The following CTNNA2 variants were observed in gnomAD, a reference collection of about 807,000 sequenced individuals.
CTNNA2 encodes catenin alpha-2.
Under a neutral mutation model 101.0 loss-of-function variants are expected in CTNNA2, and 42 were observed. The observed-to-expected ratio is 0.42, with a 90% CI of 0.32 to 0.54. CTNNA2 has a LOEUF of 0.54. Ranked by LOEUF, CTNNA2 falls within the 20% of genes least tolerant of loss-of-function variation. The probability of loss-of-function intolerance (pLI) is 0.14; values close to 1 mark genes in which losing one functional copy is unlikely to be tolerated. For synonymous variants in CTNNA2, 450 were observed against 456.4 expected (o/e 0.99, Z 0.18); for missense variants, 871 against 1,223.1 (o/e 0.71, Z 4.29).
chr2:79,278,880 G>T (rs1675287581), intron 2 of CTNNA2, among the ~76,000 whole-genome samples: 1 of 152,074 alleles, frequency 6.6e-6, no homozygotes, highest in African/African-American at 2.4e-5. Flanking sequence ...CTACAGTATG[G>T]CATAGAGAAT....
intron 7 of CTNNA2, among the ~76,000 whole-genome samples, chr2:80,028,729 G>A (rs1270771902): frequency 6.6e-6 from 1 of 152,196 alleles, no homozygotes; most frequent in African/African-American, 2.4e-5. Context: ...TGTGGAAGAG[G>A]GAAGCAGAAA....
intron 3 of CTNNA2, among the ~76,000 whole-genome samples, chr2:79,760,025 G>A (rs1212882763): frequency 2.0e-5 from 3 of 152,250 alleles, no homozygotes; most frequent in African/African-American, 7.2e-5. Context: ...TAAGAGTACA[G>A]TTTACGGAAC....
intron 8 of CTNNA2, among the ~76,000 whole-genome samples, chr2:80,407,472 A>G (rs1272895210): frequency 1.3e-5 from 2 of 152,178 alleles, no homozygotes; most frequent in African/African-American, 4.8e-5. Flanking sequence ...CCTCTGTTTG[A>G]TTATGTAATG....
intron 7 of CTNNA2, among the ~76,000 whole-genome samples, chr2:80,209,205 C>CTT (rs11302431): frequency 1.8e-4 from 25 of 141,860 alleles, no homozygotes; most frequent in African/African-American, 6.5e-4. Context: ...TTTTTTAATT[C>CTT]TTTTTTTTTT....
In CTNNA2 at chr2:80,574,240, A is replaced by G; in HGVS notation, c.1819A>G (p.Asn607Asp). The G allele has an allele frequency of 1.2e-6, 2 of 1,613,818 alleles. No homozygotes were observed. The highest frequency in any genetic ancestry group is 1.7e-6 in the Non-Finnish European group (2 of 1,179,786). ...CAACGTTCCTCAACCGTTTGAGGAG[A>G]ATGAGTTCATCGATGCCTCTCGCCT... is the stretch of plus-strand genomic sequence containing the variant. Reference protein sequence around the residue: ...SANVPQPFEENEFIDASRLVY... With the variant: ...SANVPQPFEEDEFIDASRLVY... Residue 607 changes from asparagine to aspartate, a missense_variant, in exon 13 of 19, where the codon AAT becomes GAT. By Grantham distance (23) the Asn-to-Asp change is conservative (BLOSUM62 1). Coordinates refer to ENST00000402739, the MANE Select transcript of CTNNA2 (RefSeq NM_001282597.3).
chr2:79,451,811 T>G (rs1670757041), intron 4 of CTNNA2, among the ~76,000 whole-genome samples: 1 of 151,302 alleles, frequency 6.6e-6, no homozygotes, highest in African/African-American at 2.4e-5. Context: ...ATATATTAAA[T>G]GTATACATTA....
chr2:80,598,208 A>AG, intron 15 of CTNNA2, among the ~76,000 whole-genome samples: 1 of 152,042 alleles, frequency 6.6e-6, no homozygotes. Flanking sequence ...ACAAAGGAAC[A>AG]AAAAAACACC....
At chr2:79,594,143 C>T (rs1461989976) in intron 1 of CTNNA2, among the ~76,000 whole-genome samples, 1 of 152,102 alleles carries the variant, frequency 6.6e-6, no homozygotes, top group African/African-American at 2.4e-5. Flanking sequence ...CCACCTCGGC[C>T]TCCCAAAGTG....
intron 7 of CTNNA2, chr2:80,313,490 G>A: frequency 6.4e-7 from 1 of 1,564,596 alleles, no homozygotes. Context: ...ATGTAAACAA[G>A]AGCTGTGGTT....
intron 7 of CTNNA2, among the ~76,000 whole-genome samples, chr2:79,993,132 C>T (rs545879227): frequency 7.2e-5 from 11 of 152,298 alleles, no homozygotes; most frequent in African/African-American, 2.6e-4. Context: ...AGAGTGGTTA[C>T]TTCCTAACTT....
chr2:79,388,013 T>C (rs1678124275), intron 4 of CTNNA2, among the ~76,000 whole-genome samples: 1 of 152,164 alleles, frequency 6.6e-6, no homozygotes, highest in Non-Finnish European at 1.5e-5. Flanking sequence ...GATTTGATTT[T>C]ACTGTATTAA....
chr2:79,757,185 A>C (rs1672457748), intron 3 of CTNNA2, among the ~76,000 whole-genome samples: 1 of 152,202 alleles, frequency 6.6e-6, no homozygotes, highest in Non-Finnish European at 1.5e-5. Flanking sequence ...AGTACAGAAA[A>C]TTACATATAC....
chr2:79,728,512 C>T (rs1687001876), intron 2 of CTNNA2, among the ~76,000 whole-genome samples: 1 of 152,010 alleles, frequency 6.6e-6, no homozygotes, highest in Admixed American at 6.6e-5. Flanking sequence ...AAATTGTCTC[C>T]CATTTTGTAG....
rs1221911068 is a variant in CTNNA2 at position 80,042,987 on chromosome 2, TTTCCTTTCC to T, written c.1056+133208_1056+133216del. On this transcript the variant is annotated intron_variant, in intron 7 of 18. Transcript: ENST00000402739. ...TGTTTTCTTTCTTTCCTTCCCTTCC[TTTCCTTTCC>T]TTCCTTTCCTTCCTTTCTTTCCCTT... Among the ~76,000 whole-genome samples, 20 of 151,720 alleles carry T rather than the reference TTTCCTTTCC, an allele frequency of 1.3e-4. No homozygotes were observed. The East Asian group carries it at 1.4e-3, about 10-fold the overall frequency.
chr2:80,254,363 CT>C (rs1375615553), intron 7 of CTNNA2, among the ~76,000 whole-genome samples: 1 of 151,972 alleles, frequency 6.6e-6, no homozygotes, highest in Non-Finnish European at 1.5e-5. Context: ...GGGCTAGAAA[CT>C]AAAAGTTGGG....
chr2:80,166,163 G>C (rs1317827138), intron 7 of CTNNA2, among the ~76,000 whole-genome samples: 1 of 152,094 alleles, frequency 6.6e-6, no homozygotes, highest in African/African-American at 2.4e-5. Flanking sequence ...GGAGTGAGAG[G>C]ATCATGTTTT....
At chr2:79,811,360 C>T (rs1200768599) in intron 3 of CTNNA2, among the ~76,000 whole-genome samples, 1 of 152,144 alleles carries the variant, frequency 6.6e-6, no homozygotes, top group Non-Finnish European at 1.5e-5. Context: ...GCTTCACCCA[C>T]TTTTTGATGG....
intron 1 of CTNNA2, among the ~76,000 whole-genome samples, chr2:79,514,310 A>G (rs974481126): frequency 1.3e-5 from 2 of 152,228 alleles, no homozygotes; most frequent in African/African-American, 4.8e-5. Flanking sequence ...TATACCATTT[A>G]GATGGCATTA....
intron 1 of CTNNA2, among the ~76,000 whole-genome samples, chr2:79,565,595 A>C (rs1259898850): frequency 1.3e-5 from 2 of 152,256 alleles, no homozygotes; most frequent in East Asian, 3.9e-4. Context: ...ATTATTCAGG[A>C]GGTAGATAGA....
Sources: gnomAD v4.1 joint callset for allele counts (sites outside exome capture counted in the v4.1 genomes callset) on GRCh38, gnomAD v4.1.1 for gene constraint, MANE v1.5 for transcripts, NCBI Gene and HGNC (gene_info 2026-07-23, HGNC 2026-07-21) for gene names.